Variants in ATF6 observed in about 807,000 individuals in gnomAD.
ATF6 encodes the protein activating transcription factor 6.
Under a neutral mutation model 83.6 loss-of-function variants are expected in ATF6, and 53 were observed. That is an observed-to-expected ratio of 0.63 (90% CI 0.51 to 0.80). The LOEUF (loss-of-function observed/expected upper bound fraction) is 0.80. Ranked by LOEUF, ATF6 falls within the 30% of genes least tolerant of loss-of-function variation. The pLI, the probability that ATF6 is intolerant of heterozygous loss-of-function variation, is 0.00. For missense variants in ATF6, 744 were observed against 797.9 expected, an observed-to-expected ratio of 0.93 and a Z score of 0.81; for synonymous variants, 288 against 285.8, an observed-to-expected ratio of 1.01 and a Z score of -0.08.
At chr1:161,851,651 T>G in intron 10 of ATF6, 71 bp from the exon 11 acceptor site, 1 of 1,029,438 alleles carries the variant, frequency 9.7e-7, no homozygotes, top group East Asian at 2.4e-5. Flanking sequence ...ACACTAATGA[T>G]GATTTTCTTA....
intron 9 of ATF6, among the ~76,000 whole-genome samples, chr1:161,826,823 C>T (rs911647412): frequency 6.6e-6 from 1 of 151,982 alleles, no homozygotes; most frequent in Non-Finnish European, 1.5e-5. Flanking sequence ...TATTAAAGCC[C>T]AGAGAACAAC....
At chr1:161,797,893 G>A (rs1343063127) in intron 6 of ATF6, among the ~76,000 whole-genome samples, 2 of 152,128 alleles carry the variant, frequency 1.3e-5, no homozygotes, top group African/African-American at 4.8e-5. Context: ...CAAAGCCAGA[G>A]GCATCAAGCT....
At chr1:161,909,009 T>G (rs1182053415) in intron 14 of ATF6, among the ~76,000 whole-genome samples, 1 of 152,236 alleles carries the variant, frequency 6.6e-6, no homozygotes, top group Non-Finnish European at 1.5e-5. Context: ...GAGATTCCTC[T>G]TGACCAAATA....
intron 4 of ATF6, among the ~76,000 whole-genome samples, chr1:161,789,192 A>G (rs1356067453): frequency 1.3e-5 from 2 of 150,042 alleles, no homozygotes; most frequent in Non-Finnish European, 3.0e-5. Flanking sequence ...TGTACAACTA[A>G]GCTCTTATTG....
intron 15 of ATF6, among the ~76,000 whole-genome samples, chr1:161,950,957 G>A (rs1034785997): frequency 2.6e-5 from 4 of 152,074 alleles, no homozygotes; most frequent in African/African-American, 9.7e-5. Flanking sequence ...CACAGTTGTG[G>A]GCAGCATTTT....
chr1:161,843,477 T>G (rs1686405953), intron 9 of ATF6, among the ~76,000 whole-genome samples: 1 of 152,168 alleles, frequency 6.6e-6, no homozygotes, highest in South Asian at 2.1e-4. Flanking sequence ...CTGGGAAATG[T>G]TGTCAACATA....
At chr1:161,768,079 T>C (rs896548574) in intron 1 of ATF6, among the ~76,000 whole-genome samples, 2 of 152,194 alleles carry the variant, frequency 1.3e-5, no homozygotes, top group Non-Finnish European at 2.9e-5. Context: ...GGTCTGGAGC[T>C]CTGGACCTCA....
intron 1 of ATF6, among the ~76,000 whole-genome samples, chr1:161,773,484 T>C (rs1684444718): frequency 2.0e-5 from 3 of 152,030 alleles, no homozygotes; most frequent in Non-Finnish European, 2.9e-5. Context: ...CAGGCTGGTC[T>C]CAAACTCCCG....
At position 161,802,077 on chromosome 1, in the gene ATF6, T is replaced by G; in HGVS notation, c.714T>G (p.Pro238=). 6.2e-7 allele frequency: 1 copy of G among 1,614,110 alleles called. No homozygotes were observed. The highest frequency in any genetic ancestry group is 8.5e-7 in the Non-Finnish European group (1 of 1,179,984). The change falls in exon 7 of 16, where the codon CCT becomes CCG. Residue 238 remains proline, a synonymous_variant. Coordinates refer to ENST00000367942, the MANE Select transcript of ATF6 (RefSeq NM_007348.4). ...GCCAGACGGTTTTGCTGTCTCAGCC[T>G]ACTGTGGTACAACTTCAAGCACCTG... is the stretch of plus-strand genomic sequence containing the variant. ...TKGQTVLLSQ[P]TVVQLQAPGV...
At chr1:161,856,434 T>C (rs1325209738) in intron 12 of ATF6, among the ~76,000 whole-genome samples, 1 of 152,188 alleles carries the variant, frequency 6.6e-6, no homozygotes, top group Non-Finnish European at 1.5e-5. Context: ...AAAATTCATG[T>C]CTGCCAAAGC....
chr1:161,776,124 C>T (rs148973629), intron 1 of ATF6, among the ~76,000 whole-genome samples: 36 of 152,252 alleles, frequency 2.4e-4, no homozygotes, highest in African/African-American at 8.2e-4. Flanking sequence ...AATCTGACTC[C>T]AATTATTTTA....
intron 14 of ATF6, among the ~76,000 whole-genome samples, chr1:161,879,192 A>G (rs1687277688): frequency 6.6e-6 from 1 of 152,124 alleles, no homozygotes; most frequent in Non-Finnish European, 1.5e-5. Context: ...CTGTTTTCCC[A>G]GTGAAGGACA....
rs1005064335 is a variant in ATF6, at chr1:161,921,384, T to C, written c.1804+9004T>C. ...AGATTATTAATCTGGCTAAGAATTG[T>C]ATATAGAAAAAAATGAAGAGCGAAG... On this transcript the variant is annotated intron_variant, in intron 15 of 15. Coordinates refer to ENST00000367942, the MANE Select transcript of ATF6 (RefSeq NM_007348.4). Among the ~76,000 whole-genome samples, 7 of 152,176 alleles carry C rather than the reference T, an allele frequency of 4.6e-5. No homozygotes were observed. In the East Asian group the frequency reaches 9.6e-4, roughly 21 times the overall value.
At chr1:161,852,647 C>G (rs1457465244) in intron 11 of ATF6, among the ~76,000 whole-genome samples, 2 of 152,098 alleles carry the variant, frequency 1.3e-5, no homozygotes, top group African/African-American at 4.8e-5. Context: ...GGGTCTTGCT[C>G]TGTTGCTCAG....
At chr1:161,793,738 A>T (rs1042911011) in intron 6 of ATF6, among the ~76,000 whole-genome samples, 1 of 152,234 alleles carries the variant, frequency 6.6e-6, no homozygotes, top group African/African-American at 2.4e-5. Context: ...TGTTTGAGTG[A>T]TGGAAGATCT....
chr1:161,813,151 C>G (rs979238494), intron 7 of ATF6, among the ~76,000 whole-genome samples: 5 of 151,738 alleles, frequency 3.3e-5, no homozygotes, highest in Admixed American at 2.0e-4. Flanking sequence ...TACCTTTTTT[C>G]TCCCTTTACA....
chr1:161,872,964 T>C (rs1219026430), intron 14 of ATF6, among the ~76,000 whole-genome samples: 1 of 151,598 alleles, frequency 6.6e-6, no homozygotes, highest in African/African-American at 2.4e-5. Flanking sequence ...TATATACATA[T>C]AAGAATAGAG....
intron 9 of ATF6, among the ~76,000 whole-genome samples, chr1:161,831,280 C>A (rs1178899484): frequency 3.9e-5 from 6 of 152,138 alleles, no homozygotes; most frequent in Non-Finnish European, 7.3e-5. Flanking sequence ...GCAGTCATTA[C>A]AAAGTCAGGA....
At chr1:161,868,099 G>C (rs1687045776) in intron 14 of ATF6, among the ~76,000 whole-genome samples, 4 of 152,208 alleles carry the variant, frequency 2.6e-5, no homozygotes, top group African/African-American at 9.7e-5. Flanking sequence ...TCTTCATGGA[G>C]AATTGGAATA....
Sources: gnomAD v4.1 joint callset for allele counts (sites outside exome capture counted in the v4.1 genomes callset) on GRCh38, gnomAD v4.1.1 for gene constraint, MANE v1.5 for transcripts, NCBI Gene and HGNC (gene_info 2026-07-23, HGNC 2026-07-21) for gene names.